The following SPATA31H1 variants were observed in gnomAD, a reference collection of about 807,000 sequenced individuals.
SPATA31H1 encodes SPATA31 subfamily H member 1.
At chr2:27,581,830 C>T in the SPATA31H1 span, 1 of 1,611,392 alleles carries the variant, frequency 6.2e-7, no homozygotes. Flanking sequence ...CATCACAGTC[C>T]CTCTGAGAGA....
the SPATA31H1 span, among the ~76,000 whole-genome samples, chr2:27,561,874 A>AT: frequency 4.6e-5 from 7 of 151,972 alleles, no homozygotes; most frequent in African/African-American, 7.3e-5. Flanking sequence ...AGCTTTTTGT[A>AT]TTTTTTTGTA....
the SPATA31H1 span, chr2:27,537,637 T>A: frequency 1.5e-6 from 1 of 689,268 alleles, no homozygotes. Context: ...ACTGCCATAC[T>A]TTGGGCCATG....
At chr2:27,559,340 G>C in the SPATA31H1 span, among the ~76,000 whole-genome samples, 5 of 152,150 alleles carry the variant, frequency 3.3e-5, no homozygotes, top group African/African-American at 4.8e-5. Flanking sequence ...GCTGAAAGCC[G>C]GGGATATTAG....
chr2:27,581,345 C>T, the SPATA31H1 span: 6 of 1,613,388 alleles, frequency 3.7e-6, no homozygotes, highest in Admixed American at 1.0e-4. Flanking sequence ...GGAGCCACTG[C>T]AGTCCCTCTA....
the SPATA31H1 span, among the ~76,000 whole-genome samples, chr2:27,538,571 C>T: frequency 6.6e-6 from 1 of 152,126 alleles, no homozygotes; most frequent in East Asian, 1.9e-4. Context: ...GTGGCTCTCG[C>T]CTGTAATCCC....
chr2:27,570,793 A>C, the SPATA31H1 span: 1 of 398,924 alleles, frequency 2.5e-6, no homozygotes, highest in Non-Finnish European at 4.4e-6. Flanking sequence ...CCACTGTTTC[A>C]AGGTGTAAAA....
At chr2:27,549,849 G>T in the SPATA31H1 span, among the ~76,000 whole-genome samples, 1 of 151,806 alleles carries the variant, frequency 6.6e-6, no homozygotes, top group Admixed American at 6.6e-5. Context: ...TGGAGATGGG[G>T]TCTCACTATA....
At chr2:27,568,714 G>T in the SPATA31H1 span, 1 of 398,970 alleles carries the variant, frequency 2.5e-6, no homozygotes, top group East Asian at 3.6e-5. Context: ...CACGATGTCA[G>T]ATCTGAGAAG....
the SPATA31H1 span, chr2:27,575,778 C>T: frequency 2.5e-6 from 1 of 398,568 alleles, no homozygotes; most frequent in Non-Finnish European, 4.4e-6. The surrounding 1 kb of genome is among the most constrained non-coding windows in gnomAD (Gnocchi z 4.1). Context: ...CCCTGGGCCA[C>T]ATTTGCAAGG....
chr2:27,575,001 C>T, the SPATA31H1 span: 1 of 398,526 alleles, frequency 2.5e-6, no homozygotes, highest in East Asian at 3.6e-5. The surrounding 1 kb of genome is among the most constrained non-coding windows in gnomAD (Gnocchi z 4.1). Context: ...TACAAAGGTA[C>T]AGGATAGGAC....
At chr2:27,580,460 A>G in the SPATA31H1 span, 1 of 1,614,202 alleles carries the variant, frequency 6.2e-7, no homozygotes, top group Non-Finnish European at 8.5e-7. Context: ...TCACCAAGCG[A>G]CTTAGAAAAC....
chr2:27,578,471 T>C, the SPATA31H1 span: 5 of 1,614,072 alleles, frequency 3.1e-6, no homozygotes, highest in Non-Finnish European at 4.2e-6. Context: ...ATTGTGTGGA[T>C]TTACTTCCAA....
At chr2:27,568,944 G>C in the SPATA31H1 span, 1 of 398,964 alleles carries the variant, frequency 2.5e-6, no homozygotes, top group Non-Finnish European at 4.4e-6. Flanking sequence ...AGAATCTTTA[G>C]AGATGATCTC....
the SPATA31H1 span, chr2:27,571,479 C>A: frequency 1.0e-5 from 4 of 398,298 alleles, no homozygotes; most frequent in Non-Finnish European, 1.8e-5. Flanking sequence ...GGAGTTGACT[C>A]CATGTTCAAG....
At chr2:27,550,781 A>G in the SPATA31H1 span, among the ~76,000 whole-genome samples, 75,258 of 151,626 alleles carry the variant, frequency 0.5, 19,437 homozygotes, top group East Asian at 0.85. Context: ...TGGTTTTCTT[A>G]TTTATCCTAT....
the SPATA31H1 span, among the ~76,000 whole-genome samples, chr2:27,538,404 G>A: frequency 1.1e-4 from 17 of 152,296 alleles, no homozygotes; most frequent in African/African-American, 4.1e-4. Context: ...CCCTTGGAAT[G>A]AGGGCCACAC....
the SPATA31H1 span, chr2:27,575,275 AG>A: frequency 2.5e-6 from 1 of 398,562 alleles, no homozygotes; most frequent in Non-Finnish European, 4.4e-6. The surrounding 1 kb of genome is among the most constrained non-coding windows in gnomAD (Gnocchi z 4.1). Context: ...AATGCTGAAA[AG>A]CAGCAGCAAG....
the SPATA31H1 span, chr2:27,571,475 G>A: frequency 2.5e-6 from 1 of 398,452 alleles, no homozygotes; most frequent in Non-Finnish European, 4.4e-6. Flanking sequence ...CTGTGGAGTT[G>A]ACTCCATGTT....
At chr2:27,574,900 T>C in the SPATA31H1 span, 18 of 398,428 alleles carry the variant, frequency 4.5e-5, no homozygotes, top group Non-Finnish European at 8.0e-5. Flanking sequence ...TCTTCTGAAG[T>C]GATCCCAGCG....
Sources: allele counts gnomAD v4.1 joint callset (sites outside exome capture counted in the v4.1 genomes callset), GRCh38; gene constraint gnomAD v4.1.1; non-coding constraint Gnocchi (gnomAD v3.1); transcripts MANE v1.5; gene names NCBI Gene and HGNC (gene_info 2026-07-23, HGNC 2026-07-21).